Variants in SLC39A11 observed in about 807,000 individuals in gnomAD.
SLC39A11 encodes the protein solute carrier family 39 member 11, also known as zinc transporter ZIP11.
A neutral mutation model predicts 36.1 loss-of-function variants in SLC39A11; 33 were observed. The observed-to-expected ratio is 0.91, with a 90% confidence interval of 0.69 to 1.22. The LOEUF is 1.22. Among genes scored for constraint, SLC39A11 ranks in the 50% most tolerant of loss-of-function variants. SLC39A11 has a pLI of 0.00. For missense variants in SLC39A11, 432 were observed against 430.3 expected (o/e 1.00, Z -0.03); for synonymous variants, 166 against 170.3 (o/e 0.97, Z 0.20).
At chr17:72,692,919 C>T (rs1204869058) in intron 7 of SLC39A11, among the ~76,000 whole-genome samples, 3 of 152,146 alleles carry the variant, frequency 2.0e-5, no homozygotes, top group African/African-American at 4.8e-5. Flanking sequence ...TCAGACCTAA[C>T]CAGGGTCTGC....
At chr17:72,684,578 C>T (rs1205513858) in intron 7 of SLC39A11, among the ~76,000 whole-genome samples, 1 of 152,164 alleles carries the variant, frequency 6.6e-6, no homozygotes, top group Non-Finnish European at 1.5e-5. Context: ...AAGAGACTCC[C>T]CAGATCAAGG....
Position 72,900,208 on chromosome 17 carries a change from A to G in SLC39A11, c.430+47544T>C, listed in dbSNP as rs868433732. Reference sequence around the variant, plus strand: ...AAGAAAGAAAGAAAGAAAGAAAGAAAGAAAGAAAGAAAGAAAGAAAGAAAA... The same window carrying G: ...AAGAAAGAAAGAAAGAAAGAAAGAAGGAAAGAAAGAAAGAAAGAAAGAAAA... On this transcript the variant is annotated intron_variant, in intron 5 of 9. Coordinates refer to ENST00000255559, the MANE Select transcript of SLC39A11 (RefSeq NM_139177.4). Among the ~76,000 whole-genome samples, 1,300 of 136,822 alleles carry G rather than the reference A, an allele frequency of 9.5e-3. 195 individuals are homozygous for G. Among genetic ancestry groups the G allele is most frequent in the African/African-American group, 0.038 (1,207 of 31,920 alleles). 89.8% of individuals were successfully genotyped at this position (136,822 alleles called of 152,430 possible).
chr17:72,929,485 G>C (rs1181430651), intron 5 of SLC39A11, among the ~76,000 whole-genome samples: 2 of 152,160 alleles, frequency 1.3e-5, no homozygotes, highest in African/African-American at 2.4e-5. Context: ...CATGGTGAGA[G>C]CCCAAATAAG....
At chr17:72,826,300 C>T (rs541850107) in intron 6 of SLC39A11, among the ~76,000 whole-genome samples, 15 of 152,176 alleles carry the variant, frequency 9.9e-5, no homozygotes, top group Non-Finnish European at 1.8e-4. Flanking sequence ...CTTCACCTTC[C>T]ACCATGATTT....
At chr17:72,826,247 T>G (rs1421858977) in intron 6 of SLC39A11, among the ~76,000 whole-genome samples, 1 of 152,178 alleles carries the variant, frequency 6.6e-6, no homozygotes, top group Non-Finnish European at 1.5e-5. Context: ...CCCCCTTCAC[T>G]CTCTTCCTCT....
chr17:72,933,882 G>A (rs993605426), intron 5 of SLC39A11, among the ~76,000 whole-genome samples: 18 of 152,184 alleles, frequency 1.2e-4, no homozygotes, highest in Non-Finnish European at 2.1e-4. Flanking sequence ...GAAAGGATAC[G>A]CACAAAAACC....
intron 3 of SLC39A11, among the ~76,000 whole-genome samples, chr17:73,038,379 G>A (rs2058994068): frequency 6.6e-6 from 1 of 151,938 alleles, no homozygotes; most frequent in African/African-American, 2.4e-5. Flanking sequence ...TGAACAAAGT[G>A]ATTCCCAGGC....
intron 4 of SLC39A11, among the ~76,000 whole-genome samples, chr17:73,031,134 G>A (rs2058726172): frequency 6.6e-6 from 1 of 152,088 alleles, no homozygotes; most frequent in Non-Finnish European, 1.5e-5. Context: ...TCACCCTCCT[G>A]TCAGCCCTCA....
intron 4 of SLC39A11, among the ~76,000 whole-genome samples, chr17:72,969,436 G>A (rs2148025293): frequency 6.6e-6 from 1 of 152,158 alleles, no homozygotes; most frequent in South Asian, 2.1e-4. Flanking sequence ...CAAGCCCCTG[G>A]GGACAAAAAC....
At chr17:72,710,681 A>G (rs1447830448) in intron 7 of SLC39A11, among the ~76,000 whole-genome samples, 1 of 152,240 alleles carries the variant, frequency 6.6e-6, no homozygotes, top group African/African-American at 2.4e-5. Context: ...GAATGAACTA[A>G]GACAATCTCC....
At chr17:73,041,704 A>C (rs1418459443) in intron 3 of SLC39A11, among the ~76,000 whole-genome samples, 1 of 152,256 alleles carries the variant, frequency 6.6e-6, no homozygotes, top group Non-Finnish European at 1.5e-5. Context: ...ATTTTCAGAA[A>C]TGTTTCTGCA....
chr17:73,045,850 T>C (rs1355878352), intron 3 of SLC39A11, among the ~76,000 whole-genome samples: 1 of 152,162 alleles, frequency 6.6e-6, no homozygotes, highest in African/African-American at 2.4e-5. Context: ...CAGCTGGTCA[T>C]CAAGAGAGTG....
At chr17:72,946,619 T>C (rs2085444837) in intron 5 of SLC39A11, among the ~76,000 whole-genome samples, 1 of 152,136 alleles carries the variant, frequency 6.6e-6, no homozygotes, top group Non-Finnish European at 1.5e-5. Context: ...AGGAGAGCAC[T>C]CCACATAAGC....
intron 7 of SLC39A11, among the ~76,000 whole-genome samples, chr17:72,675,674 G>C (rs112872197): frequency 6.9e-6 from 1 of 144,944 alleles, no homozygotes. Flanking sequence ...TGTGATGCCC[G>C]GCGCCAGATG....
At chr17:72,953,867 T>C (rs2086050606) in intron 4 of SLC39A11, among the ~76,000 whole-genome samples, 1 of 152,178 alleles carries the variant, frequency 6.6e-6, no homozygotes, top group Admixed American at 6.5e-5. Flanking sequence ...CAACCTGTGA[T>C]GATTGTCAGC....
At chr17:73,033,357 A>T (rs1271859715) in intron 3 of SLC39A11, among the ~76,000 whole-genome samples, 1 of 152,234 alleles carries the variant, frequency 6.6e-6, no homozygotes, top group Non-Finnish European at 1.5e-5. Flanking sequence ...CAATGACGGT[A>T]GAAACATGAA....
intron 4 of SLC39A11, among the ~76,000 whole-genome samples, chr17:73,020,813 G>T (rs536608398): frequency 6.6e-6 from 1 of 151,030 alleles, no homozygotes; most frequent in East Asian, 2.0e-4. Flanking sequence ...CTCCCGAGTA[G>T]CTGGGGCTAC....
intron 7 of SLC39A11, among the ~76,000 whole-genome samples, chr17:72,713,150 G>C (rs2073184389): frequency 5.9e-5 from 9 of 152,190 alleles, no homozygotes; most frequent in Admixed American, 3.9e-4. Flanking sequence ...GGGGTGATAA[G>C]ACTTAGCCCG....
chr17:73,021,866 T>TCC (rs533928273), intron 4 of SLC39A11, among the ~76,000 whole-genome samples: 57 of 152,204 alleles, frequency 3.7e-4, no homozygotes, highest in Non-Finnish European at 7.1e-4. Flanking sequence ...CACTCAAGAC[T>TCC]CCCCACCACT....
Sources: gnomAD v4.1 joint callset for allele counts (sites outside exome capture counted in the v4.1 genomes callset) on GRCh38, gnomAD v4.1.1 for gene constraint, MANE v1.5 for transcripts, NCBI Gene and HGNC (gene_info 2026-07-23, HGNC 2026-07-21) for gene names.